IPO11: variants seen among roughly 807,000 people sequenced by gnomAD.
The protein encoded by IPO11 is importin-11.
Under a neutral mutation model 143.2 loss-of-function variants are expected in IPO11, and 66 were observed. The observed-to-expected ratio is 0.46, with a 90% CI of 0.38 to 0.57. IPO11 has a LOEUF of 0.57. IPO11 is among the 20% of genes least tolerant of loss of function. IPO11 has a pLI of 0.00. For synonymous variants in IPO11, 385 were observed against 377.8 expected (o/e 1.02, Z -0.22); for missense variants, 1,026 against 1,141.0 (o/e 0.90, Z 1.45).
intron 8 of IPO11, 74 bp downstream of exon 8, chr5:62,474,538 T>C: frequency 2.0e-6 from 2 of 1,021,456 alleles, no homozygotes; most frequent in South Asian, 2.9e-5. Flanking sequence ...CATTAATAGC[T>C]AGGATTAATG....
chr5:62,547,734 A>G (rs1743253369), intron 24 of IPO11, among the ~76,000 whole-genome samples: 1 of 152,026 alleles, frequency 6.6e-6, no homozygotes, highest in African/African-American at 2.4e-5. Context: ...CCCTTGCCAC[A>G]ACCCCCTCCT....
At chr5:62,520,365 G>A (rs1742162481) in intron 20 of IPO11, among the ~76,000 whole-genome samples, 2 of 151,286 alleles carry the variant, frequency 1.3e-5, no homozygotes, top group South Asian at 4.1e-4. Context: ...ATCTTGAAGA[G>A]ATACGACAGA....
chr5:62,511,832 A>G (rs1446424640), intron 19 of IPO11, among the ~76,000 whole-genome samples: 1 of 149,834 alleles, frequency 6.7e-6, no homozygotes, highest in Non-Finnish European at 1.5e-5. Context: ...CTTGAATAAA[A>G]TGGAAAGTTT....
In IPO11 at chr5:62,485,418, G is replaced by A. The variant is rs775758934; in HGVS notation, c.1175-1G>A. The A allele has an allele frequency of 6.2e-7, 1 of 1,606,882 alleles. No individual in the cohort carries two copies. The highest frequency in any genetic ancestry group is 2.2e-5 in the East Asian group (1 of 44,764). On this transcript the variant is annotated splice_acceptor_variant, in intron 11 of 29. Transcript: ENST00000325324. LOFTEE classifies it high-confidence loss of function. The stretch of plus-strand genomic sequence containing the variant: ...TCATTATTACATATTTTTAATTGCA[G>A]CAGTGGAAGAAACAGGAGGAGATTC...
intron 1 of IPO11, among the ~76,000 whole-genome samples, chr5:62,429,142 C>T (rs541220871): frequency 3.7e-4 from 57 of 152,136 alleles, no homozygotes; most frequent in Non-Finnish European, 6.9e-4. Flanking sequence ...ACATTTTCAT[C>T]GTTCCAAATA....
chr5:62,439,461 G>T (rs785666), intron 2 of IPO11, among the ~76,000 whole-genome samples: 13,696 of 151,564 alleles, frequency 0.09, 666 homozygotes, highest in East Asian at 0.14. Flanking sequence ...TAATTTTTTT[G>T]TATTTTTAGT....
At position 62,539,172 on chromosome 5, in the gene IPO11, G is replaced by A. The variant is rs114995276; in HGVS notation, c.2250+1883G>A. ...ACAAGAGTTTCTTTATAATACTTAT[G>A]TTAATTATATAATTAAAAAAATCAG... is the stretch of plus-strand genomic sequence containing the variant. On this transcript the variant is annotated intron_variant, in intron 24 of 29. Coordinates refer to ENST00000325324, the MANE Select transcript of IPO11 (RefSeq NM_016338.5). Among the ~76,000 whole-genome samples, 1,390 of 152,202 alleles carry A rather than the reference G, an allele frequency of 9.1e-3. 20 individuals carry two copies. Among genetic ancestry groups the A allele is most frequent in the African/African-American group, 0.031 (1,308 of 41,530 alleles).
chr5:62,478,546 A>G (rs1746053207), intron 9 of IPO11, among the ~76,000 whole-genome samples: 2 of 152,202 alleles, frequency 1.3e-5, no homozygotes, highest in South Asian at 4.1e-4. Context: ...TCATTTAAAT[A>G]TCTAGTCAGA....
chr5:62,531,946 T>C (rs949936990), intron 22 of IPO11, among the ~76,000 whole-genome samples: 1 of 152,082 alleles, frequency 6.6e-6, no homozygotes. Flanking sequence ...AAAAAGAGAA[T>C]AGGGTTCTTT....
At chr5:62,564,573 G>T (rs1743873117) in intron 27 of IPO11, among the ~76,000 whole-genome samples, 1 of 152,130 alleles carries the variant, frequency 6.6e-6, no homozygotes, top group South Asian at 2.1e-4. Flanking sequence ...TGGCATTTGG[G>T]TCCAGATGAT....
chr5:62,427,387 A>G (rs940464702), intron 1 of IPO11, among the ~76,000 whole-genome samples: 1 of 152,148 alleles, frequency 6.6e-6, no homozygotes, highest in Non-Finnish European at 1.5e-5. Context: ...GATGTCACAT[A>G]TATTTTGTTG....
At chr5:62,605,999 G>A (rs1465637012) in intron 29 of IPO11, among the ~76,000 whole-genome samples, 3 of 151,924 alleles carry the variant, frequency 2.0e-5, no homozygotes, top group Non-Finnish European at 4.4e-5. Context: ...CCAAAGTGCC[G>A]GCATTACAGG....
At chr5:62,562,534 A>G (rs941532110) in intron 27 of IPO11, among the ~76,000 whole-genome samples, 2 of 152,218 alleles carry the variant, frequency 1.3e-5, no homozygotes, top group Non-Finnish European at 2.9e-5. Flanking sequence ...ATGAGAATCT[A>G]ATGCCACCAC....
intron 16 of IPO11, among the ~76,000 whole-genome samples, chr5:62,496,636 A>C (rs1281892900): frequency 6.6e-6 from 1 of 152,182 alleles, no homozygotes; most frequent in Admixed American, 6.5e-5. Context: ...TAATGTGGGG[A>C]GATATCTTAT....
intron 27 of IPO11, among the ~76,000 whole-genome samples, chr5:62,563,441 T>C (rs1743837673): frequency 6.6e-6 from 1 of 152,212 alleles, no homozygotes; most frequent in Admixed American, 6.5e-5. Context: ...TTTTACATTT[T>C]TAATGAGAAT....
At chr5:62,610,206 A>G (rs761336142) in intron 29 of IPO11, among the ~76,000 whole-genome samples, 16 of 152,244 alleles carry the variant, frequency 1.1e-4, no homozygotes, top group Non-Finnish European at 1.9e-4. Flanking sequence ...CCTGGTTAAC[A>G]TAGAGGTACT....
intron 5 of IPO11, among the ~76,000 whole-genome samples, chr5:62,465,616 A>G (rs1157469252): frequency 6.6e-6 from 1 of 152,202 alleles, no homozygotes. Context: ...AAACATTAGT[A>G]TTCAACAGTT....
At position 62,580,734 on chromosome 5, in the gene IPO11, G is replaced by A. The variant is rs1354820590; in HGVS notation, c.2583-10843G>A. 3 of 1,551,378 alleles carry A rather than the reference G, an allele frequency of 1.9e-6. No homozygotes were observed. In the Admixed American group the frequency reaches 5.9e-5, roughly 30 times the overall value. On this transcript the variant is annotated intron_variant, in intron 27 of 29. Coordinates refer to ENST00000325324, the MANE Select transcript of IPO11 (RefSeq NM_016338.5). ...ATCACAAGACTACTGCGCTAATGAT[G>A]GCCTGGCATAAAGTAACCACAAATG...
rs201577140 is a variant in IPO11, at chr5:62,451,975, G to C, written c.516+42G>C. On this transcript the variant is annotated intron_variant, in intron 5 of 29. Coordinates refer to ENST00000325324, the MANE Select transcript of IPO11 (RefSeq NM_016338.5). ...AGTTAAATTTGATTATGAAAATTGT[G>C]CGGCCGGGCGTGGTGGCTTATGCCT... 3.8e-4 allele frequency: 580 copies of C among 1,534,266 alleles called. 4 individuals carry two copies. In the African/African-American group the frequency reaches 7.0e-3, roughly 18 times the overall value.
Sources: allele counts gnomAD v4.1 joint callset (sites outside exome capture counted in the v4.1 genomes callset), GRCh38; gene constraint gnomAD v4.1.1; transcripts MANE v1.5; gene names NCBI Gene and HGNC (gene_info 2026-07-23, HGNC 2026-07-21).